Variants in ANKS1B observed in about 807,000 individuals in gnomAD.
ANKS1B encodes the protein ankyrin repeat and sterile alpha motif domain-containing protein 1B.
ANKS1B carries 36 observed loss-of-function variants against 148.3 expected under a neutral mutation model. The ratio of observed to expected loss-of-function variants is 0.24; its 90% confidence interval spans 0.19 to 0.32. The LOEUF (loss-of-function observed/expected upper bound fraction) is 0.32, where lower values mean the gene tolerates loss of function less well. Ranked by LOEUF, ANKS1B falls within the 10% of genes least tolerant of loss-of-function variation. The pLI is 1.00. For synonymous variants in ANKS1B, 542 were observed against 560.8 expected (o/e 0.97, Z 0.47); for missense variants, 1,157 against 1,542.6 (o/e 0.75, Z 4.19).
At chr12:99,466,203 A>G (rs2096109933) in intron 10 of ANKS1B, among the ~76,000 whole-genome samples, 1 of 152,258 alleles carries the variant, frequency 6.6e-6, no homozygotes, top group African/African-American at 2.4e-5. Flanking sequence ...GTACATAACG[A>G]AATGAAGACA....
At chr12:99,237,197 C>T (rs2088153137) in intron 14 of ANKS1B, among the ~76,000 whole-genome samples, 1 of 152,200 alleles carries the variant, frequency 6.6e-6, no homozygotes, top group African/African-American at 2.4e-5. Flanking sequence ...AATCACCAGC[C>T]TTTTTTGTTT....
At chr12:99,748,992 T>C (rs1367444836) in intron 8 of ANKS1B, among the ~76,000 whole-genome samples, 1 of 152,096 alleles carries the variant, frequency 6.6e-6, no homozygotes, top group African/African-American at 2.4e-5. Flanking sequence ...ATAGACACTA[T>C]AGTTTTCTAA....
intron 13 of ANKS1B, among the ~76,000 whole-genome samples, chr12:99,245,552 G>A (rs981407537): frequency 2.0e-5 from 3 of 152,162 alleles, no homozygotes; most frequent in African/African-American, 7.2e-5. Context: ...GCTCAGTTCA[G>A]AATATCACTA....
At chr12:99,259,003 A>C (rs564139337) in intron 12 of ANKS1B, among the ~76,000 whole-genome samples, 1 of 152,204 alleles carries the variant, frequency 6.6e-6, no homozygotes, top group Non-Finnish European at 1.5e-5. Flanking sequence ...AAGTCTCTGA[A>C]GTAGGTATTA....
intron 22 of ANKS1B, 121 bp from the exon 23 acceptor site, chr12:98,782,258 G>C (rs951624156): frequency 1.2e-6 from 1 of 843,274 alleles, no homozygotes; most frequent in African/African-American, 1.7e-5. Context: ...AAAAACAAAA[G>C]ATGCCACAAA....
intron 1 of ANKS1B, among the ~76,000 whole-genome samples, chr12:99,875,150 T>A (rs1399164176): frequency 6.6e-6 from 1 of 152,116 alleles, no homozygotes; most frequent in Non-Finnish European, 1.5e-5. Flanking sequence ...ATCAAATAGT[T>A]TAGAAAGATG....
chr12:99,385,824 T>C (rs982132986), intron 12 of ANKS1B, among the ~76,000 whole-genome samples: 3 of 152,228 alleles, frequency 2.0e-5, no homozygotes, highest in African/African-American at 7.2e-5. Context: ...AAGTAAGTAC[T>C]TTTTACTTAT....
chr12:98,933,510 A>G (rs1444929593), intron 17 of ANKS1B, among the ~76,000 whole-genome samples: 1 of 152,124 alleles, frequency 6.6e-6, no homozygotes, highest in Non-Finnish European at 1.5e-5. Flanking sequence ...TGGGGGATAC[A>G]TACCCAGAAG....
At chr12:99,420,425 G>T (rs1217438816) in intron 11 of ANKS1B, among the ~76,000 whole-genome samples, 2 of 152,112 alleles carry the variant, frequency 1.3e-5, no homozygotes, top group Admixed American at 6.5e-5. Context: ...TTAAGATGGT[G>T]TGAAGTTTTA....
At chr12:99,518,978 GA>G in intron 9 of ANKS1B, among the ~76,000 whole-genome samples, 1 of 151,974 alleles carries the variant, frequency 6.6e-6, no homozygotes, top group Non-Finnish European at 1.5e-5. Context: ...TTTCTTCATT[GA>G]CCCCTGGTCA....
chr12:99,826,335 ACAG>A (rs1280073206), intron 1 of ANKS1B, among the ~76,000 whole-genome samples: 1 of 152,230 alleles, frequency 6.6e-6, no homozygotes, highest in Non-Finnish European at 1.5e-5. Context: ...AAGGTACCAG[ACAG>A]CACACAGGCA....
At chr12:99,288,601 T>A (rs927948632) in intron 12 of ANKS1B, among the ~76,000 whole-genome samples, 2 of 151,938 alleles carry the variant, frequency 1.3e-5, no homozygotes, top group Non-Finnish European at 2.9e-5. Context: ...AAAATAATAA[T>A]GGGGTGATAA....
At chr12:99,685,316 C>A (rs1264577066) in intron 8 of ANKS1B, among the ~76,000 whole-genome samples, 1 of 152,116 alleles carries the variant, frequency 6.6e-6, no homozygotes, top group African/African-American at 2.4e-5. Context: ...AAATCACCAA[C>A]AAACATATGA....
intron 10 of ANKS1B, among the ~76,000 whole-genome samples, chr12:99,499,650 T>A (rs908887535): frequency 6.6e-6 from 1 of 152,064 alleles, no homozygotes; most frequent in African/African-American, 2.4e-5. Flanking sequence ...AAAGTCCAAG[T>A]AGGCCATGGC....
At chr12:98,973,589 A>G (rs1444414061) in intron 17 of ANKS1B, among the ~76,000 whole-genome samples, 3 of 152,166 alleles carry the variant, frequency 2.0e-5, no homozygotes, top group East Asian at 1.9e-4. Flanking sequence ...CCATCCCTCC[A>G]GGGATGTGAG....
intron 17 of ANKS1B, among the ~76,000 whole-genome samples, chr12:98,934,348 C>T (rs2099816522): frequency 6.6e-6 from 1 of 152,006 alleles, no homozygotes; most frequent in Non-Finnish European, 1.5e-5. Context: ...ACTCCATTAG[C>T]CTATATGTCT....
intron 12 of ANKS1B, among the ~76,000 whole-genome samples, chr12:99,369,324 A>C (rs1052929135): frequency 2.0e-5 from 3 of 152,220 alleles, no homozygotes; most frequent in Admixed American, 1.3e-4. Flanking sequence ...CAAGTTAAAC[A>C]ATCAGACAAA....
intron 22 of ANKS1B, chr12:98,795,042 A>G: frequency 1.4e-6 from 1 of 698,770 alleles, no homozygotes; most frequent in African/African-American, 1.8e-5. Context: ...CTAAATTATT[A>G]GCTTATTTTT....
intron 17 of ANKS1B, among the ~76,000 whole-genome samples, chr12:98,938,163 T>C (rs555935750): frequency 6.6e-6 from 1 of 152,324 alleles, no homozygotes; most frequent in East Asian, 1.9e-4. Flanking sequence ...TGGTATGTAT[T>C]TCATAAATAT....
Sources: gnomAD v4.1 joint callset for allele counts (sites outside exome capture counted in the v4.1 genomes callset) on GRCh38, gnomAD v4.1.1 for gene constraint, MANE v1.5 for transcripts, NCBI Gene and HGNC (gene_info 2026-07-23, HGNC 2026-07-21) for gene names.